POMP: variants seen among roughly 807,000 people sequenced by gnomAD.
The protein encoded by POMP is 2510048O06Rik.
A neutral mutation model predicts 20.6 loss-of-function variants in POMP; 12 were observed. That is an observed-to-expected ratio of 0.58 (90% CI 0.37 to 0.94). POMP has a LOEUF of 0.94. Ranked by LOEUF, POMP falls within the 40% of genes least tolerant of loss-of-function variation. POMP has a pLI of 0.01. For synonymous variants in POMP, 53 were observed against 55.0 expected, an observed-to-expected ratio of 0.96 and a Z score of 0.16; for missense variants, 136 against 161.1, an observed-to-expected ratio of 0.84 and a Z score of 0.84.
At chr13:28,663,473 G>T (rs925206557) in intron 2 of POMP, among the ~76,000 whole-genome samples, 2 of 152,056 alleles carry the variant, frequency 1.3e-5, no homozygotes, top group African/African-American at 4.8e-5. Context: ...ACCATGCCCG[G>T]CTAATTTTGT....
At chr13:28,676,075 G>C (rs1026426607) in intron 5 of POMP, among the ~76,000 whole-genome samples, 1 of 152,000 alleles carries the variant, frequency 6.6e-6, no homozygotes, top group Non-Finnish European at 1.5e-5. Context: ...CGCGATCTCT[G>C]CTCACTGCAA....
chr13:28,659,290 C>G (rs1884290661), intron 1 of POMP, 103 bp downstream of exon 1: 3 of 1,525,580 alleles, frequency 2.0e-6, no homozygotes, highest in Non-Finnish European at 2.6e-6. Flanking sequence ...GCGGCGGCGG[C>G]GGCAGCGTGG....
intron 1 of POMP, among the ~76,000 whole-genome samples, chr13:28,660,921 G>C (rs926162958): frequency 6.6e-6 from 1 of 152,188 alleles, no homozygotes; most frequent in Non-Finnish European, 1.5e-5. Context: ...AGACCCAGTA[G>C]AATGCTGTTG....
rs1884670240 is a variant in POMP at position 28,678,510 on chromosome 13, T to C, written c.*408T>C. ...ATTTTTAATTGATTTCAGTGGCAAC[T>C]CTCAAATTGATTACAATATGAGATA... On this transcript the variant is annotated 3_prime_UTR_variant, in exon 6 of 6. Transcript: ENST00000380842. 9.4e-6 allele frequency: 2 copies of C among 213,458 alleles called. No individual in the cohort carries two copies. Among genetic ancestry groups the C allele is most frequent in the South Asian group, 6.9e-5 (1 of 14,472 alleles). The allele number at this position is 213,458 out of a possible 1,614,324, so 13.2% of individuals were successfully genotyped here.
chr13:28,668,695 T>C, intron 4 of POMP, 121 bp downstream of exon 4: 3 of 795,782 alleles, frequency 3.8e-6, no homozygotes, highest in Non-Finnish European at 6.4e-6. Flanking sequence ...TCCCCCTTTT[T>C]AGGGTATGAC....
intron 5 of POMP, among the ~76,000 whole-genome samples, chr13:28,677,407 C>T (rs1884647201): frequency 6.6e-6 from 1 of 152,070 alleles, no homozygotes; most frequent in African/African-American, 2.4e-5. Flanking sequence ...TGTTTCTAGT[C>T]CTATGTTGAG....
At chr13:28,668,604 G>A in intron 4 of POMP, 30 bp downstream of exon 4, 1 of 1,466,494 alleles carries the variant, frequency 6.8e-7, no homozygotes, top group Non-Finnish European at 9.6e-7. Flanking sequence ...TTGCATATGT[G>A]TCGATATCAT....
chr13:28,666,474 C>G (rs1884448543), intron 3 of POMP, among the ~76,000 whole-genome samples: 1 of 152,206 alleles, frequency 6.6e-6, no homozygotes, highest in Non-Finnish European at 1.5e-5. Flanking sequence ...TGTGAAGAAT[C>G]TAAAAACTTC....
intron 1 of POMP, among the ~76,000 whole-genome samples, chr13:28,661,912 G>A (rs1317396573): frequency 1.3e-5 from 2 of 151,992 alleles, no homozygotes; most frequent in East Asian, 1.9e-4. Context: ...TTTATTCTGT[G>A]TTATACACTC....
chr13:28,666,712 C>T (rs1163912792), intron 3 of POMP, among the ~76,000 whole-genome samples: 1 of 152,186 alleles, frequency 6.6e-6, no homozygotes, highest in Admixed American at 6.5e-5. Flanking sequence ...TTAGTAATAG[C>T]CCATCCTTGG....
chr13:28,666,408 T>A (rs1884446976), intron 3 of POMP, among the ~76,000 whole-genome samples: 1 of 152,254 alleles, frequency 6.6e-6, no homozygotes, highest in South Asian at 2.1e-4. Context: ...ATTGGTTTAG[T>A]TCTAAGCAAT....
At chr13:28,659,375 C>T (rs1361711192) in intron 1 of POMP, among the ~76,000 whole-genome samples, 188 bp downstream of exon 1, 1 of 152,212 alleles carries the variant, frequency 6.6e-6, no homozygotes, top group Non-Finnish European at 1.5e-5. Context: ...CGCCGGGGCC[C>T]GGCACTAGTC....
Position 28,664,561 on chromosome 13 carries a change from G to GA in POMP, c.161dup (p.Asn54LysfsTer8). The GA allele has an allele frequency of 3.9e-6, 6 of 1,531,478 alleles. No homozygotes were observed. The highest frequency in any genetic ancestry group is 1.7e-5 in the Admixed American group (1 of 58,432). The allele number at this position is 1,531,478 out of a possible 1,614,324, so 94.9% of individuals were successfully genotyped here. A position where few individuals can be genotyped will look rare whatever the true frequency, so the allele number is the denominator to read the frequency against. On this transcript the variant is annotated frameshift_variant, in exon 3 of 6. Coordinates refer to ENST00000380842, the MANE Select transcript of POMP (RefSeq NM_015932.6). LOFTEE classifies it high-confidence loss of function. ...GCCTAGTCATCCCCTTGAATTATCAGAAAAAAATGTAAGTATATTATTATG... is the reference window on the plus strand; with the variant it reads ...GCCTAGTCATCCCCTTGAATTATCAGAAAAAAAATGTAAGTATATTATTATG...
chr13:28,672,530 C>T (rs1017077252), intron 5 of POMP, 98 bp downstream of exon 5: 11 of 880,700 alleles, frequency 1.2e-5, no homozygotes, highest in Admixed American at 6.9e-5. Context: ...ATGGAACTTA[C>T]AGCTGATTGG....
At chr13:28,670,145 A>T (rs763566132) in intron 4 of POMP, among the ~76,000 whole-genome samples, 2 of 152,166 alleles carry the variant, frequency 1.3e-5, no homozygotes, top group African/African-American at 4.8e-5. Flanking sequence ...CCAAGTTACA[A>T]TTCTCATGAG....
At chr13:28,671,142 C>T (rs1282019487) in intron 4 of POMP, among the ~76,000 whole-genome samples, 1 of 152,164 alleles carries the variant, frequency 6.6e-6, no homozygotes, top group Non-Finnish European at 1.5e-5. Flanking sequence ...AGATAAAGCT[C>T]TTAAAAAACA....
rs78141992 is a variant in POMP, at chr13:28,666,306, T to C, written c.162+1737T>C. On this transcript the variant is annotated intron_variant, in intron 3 of 5. Coordinates refer to ENST00000380842, the MANE Select transcript of POMP (RefSeq NM_015932.6). ...GTTAGTTACTAAAAAGAAAGGTTAA[T>C]GCAGTCTTGGGCTTTGTTAATAAGA... Among the ~76,000 whole-genome samples, 941 of 152,316 alleles carry C rather than the reference T, an allele frequency of 6.2e-3. 10 individuals are homozygous for C. Among genetic ancestry groups the C allele is most frequent in the African/African-American group, 0.022 (907 of 41,572 alleles).
intron 3 of POMP, among the ~76,000 whole-genome samples, chr13:28,665,816 A>AT (rs1459800370): frequency 6.6e-6 from 1 of 152,204 alleles, no homozygotes; most frequent in Non-Finnish European, 1.5e-5. Context: ...AAGATTGAGG[A>AT]TTACATGGTG....
chr13:28,677,178 T>C (rs868411042), intron 5 of POMP, among the ~76,000 whole-genome samples: 1 of 151,934 alleles, frequency 6.6e-6, no homozygotes, highest in Admixed American at 6.5e-5. Flanking sequence ...TGCGTGTCTT[T>C]CTATGTAGTC....
Sources: gnomAD v4.1 joint callset for allele counts (sites outside exome capture counted in the v4.1 genomes callset) on GRCh38, gnomAD v4.1.1 for gene constraint, MANE v1.5 for transcripts, NCBI Gene and HGNC (gene_info 2026-07-23, HGNC 2026-07-21) for gene names.